Variants in RBPMS observed in about 807,000 individuals in gnomAD.
RBPMS encodes the protein RNA binding protein, mRNA processing factor, also known as RNA-binding protein with multiple splicing.
In RBPMS, 7 loss-of-function variants were observed where a neutral mutation model predicts 26.8. That is an observed-to-expected ratio of 0.26 (90% CI 0.15 to 0.49). The LOEUF is 0.49. Ranked by LOEUF, RBPMS falls within the 20% of genes least tolerant of loss-of-function variation. RBPMS has a pLI of 0.98. For missense variants in RBPMS, 186 were observed against 250.0 expected (o/e 0.74, Z 1.73); for synonymous variants, 96 against 93.3 (o/e 1.03, Z -0.17).
chr8:30,417,826 T>C (rs952774), intron 1 of RBPMS, among the ~76,000 whole-genome samples: 86,180 of 152,062 alleles, frequency 0.57, 25,642 homozygotes, highest in East Asian at 0.78. Flanking sequence ...TTCCAAAATA[T>C]ATTACCCATT....
chr8:30,548,436 TGA>T (rs1308527256), intron 6 of RBPMS, among the ~76,000 whole-genome samples: 1 of 152,192 alleles, frequency 6.6e-6, no homozygotes, highest in Admixed American at 6.5e-5. Context: ...TAAGTAGGAC[TGA>T]GAGAGAAAGT....
At chr8:30,516,893 C>T (rs1272240456) in intron 5 of RBPMS, among the ~76,000 whole-genome samples, 1 of 146,536 alleles carries the variant, frequency 6.8e-6, no homozygotes, top group African/African-American at 2.5e-5. Context: ...AGCTTGACTC[C>T]ATCTCTAAAT....
intron 1 of RBPMS, among the ~76,000 whole-genome samples, chr8:30,418,884 T>C (rs1810401917): frequency 6.6e-6 from 1 of 152,198 alleles, no homozygotes; most frequent in Non-Finnish European, 1.5e-5. Flanking sequence ...CAGGTACTCA[T>C]GCACATGAGT....
At chr8:30,542,708 GTTGT>G (rs1404749435) in intron 5 of RBPMS, among the ~76,000 whole-genome samples, 1 of 152,226 alleles carries the variant, frequency 6.6e-6, no homozygotes, top group Admixed American at 6.5e-5. Context: ...CCTGAGAATG[GTTGT>G]TTGTTTAAAA....
At chr8:30,473,258 T>C (rs1400184511) in intron 1 of RBPMS, among the ~76,000 whole-genome samples, 1 of 152,188 alleles carries the variant, frequency 6.6e-6, no homozygotes, top group East Asian at 1.9e-4. Context: ...AATCCTTTTC[T>C]CTGCCTGTGA....
chr8:30,526,609 G>A (rs775054613), intron 5 of RBPMS, among the ~76,000 whole-genome samples: 1 of 152,152 alleles, frequency 6.6e-6, no homozygotes, highest in Non-Finnish European at 1.5e-5. Flanking sequence ...AATTCTGAAC[G>A]TATGTGGCTA....
At chr8:30,547,243 T>A (rs760806715) in intron 6 of RBPMS, 1 of 1,305,454 alleles carries the variant, frequency 7.7e-7, no homozygotes, top group Non-Finnish European at 1.1e-6. Context: ...TTGTTTTTCT[T>A]AGCAATGTTA....
At chr8:30,514,429 A>G (rs534871603) in intron 5 of RBPMS, among the ~76,000 whole-genome samples, 24 of 152,272 alleles carry the variant, frequency 1.6e-4, no homozygotes, top group Admixed American at 2.0e-4. Flanking sequence ...CTTCACGGAA[A>G]ATGACAGTTT....
chr8:30,434,776 A>AACACAC (rs33991199), intron 1 of RBPMS, among the ~76,000 whole-genome samples: 5,310 of 147,484 alleles, frequency 0.036, 154 homozygotes, highest in African/African-American at 0.063. Flanking sequence ...ATTCCCATAT[A>AACACAC]ACACACACAC....
At chr8:30,435,279 A>C (rs922232309) in intron 1 of RBPMS, among the ~76,000 whole-genome samples, 1 of 152,192 alleles carries the variant, frequency 6.6e-6, no homozygotes, top group Non-Finnish European at 1.5e-5. Flanking sequence ...TCATGTTTAG[A>C]GTTGGATCCC....
At position 30,571,968 on chromosome 8, in the gene RBPMS, T is replaced by C. The variant is rs1462770497; in HGVS notation, c.*1443T>C. ...GTTTTGTTATTTTCCATTAGAAATATAAAGATGTCAAGAAGCTTTTAAAGG... is the reference window on the plus strand; with the variant it reads ...GTTTTGTTATTTTCCATTAGAAATACAAAGATGTCAAGAAGCTTTTAAAGG... On this transcript the variant is annotated 3_prime_UTR_variant, in exon 9 of 9. Transcript: ENST00000397323. 6.6e-6 allele frequency: 1 copy of C among 152,324 alleles called. No homozygotes were observed. Among genetic ancestry groups the C allele is most frequent in the South Asian group, 2.1e-4 (1 of 4,826 alleles). 9.4% of individuals were successfully genotyped at this position (152,324 alleles called of 1,614,324 possible).
intron 5 of RBPMS, among the ~76,000 whole-genome samples, chr8:30,538,411 C>T (rs147071445): frequency 6.0e-4 from 91 of 152,258 alleles, no homozygotes; most frequent in African/African-American, 2.1e-3. Context: ...CCCACCATTA[C>T]ACCTGGCTAA....
chr8:30,461,046 GAA>G (rs35028246), intron 1 of RBPMS, among the ~76,000 whole-genome samples: 59 of 138,346 alleles, frequency 4.3e-4, no homozygotes, highest in East Asian at 1.1e-3. Flanking sequence ...GACCCCATCT[GAA>G]AAAAAAAAAA....
chr8:30,431,483 C>A (rs1459616734), intron 1 of RBPMS, among the ~76,000 whole-genome samples: 1 of 151,688 alleles, frequency 6.6e-6, no homozygotes, highest in African/African-American at 2.4e-5. Context: ...GACGGACTCT[C>A]TCATTCTGTC....
rs532809430 is a variant in RBPMS at position 30,546,622 on chromosome 8, A to G, written c.528+1998A>G. 2.6e-5 allele frequency among the ~76,000 whole-genome samples: 4 copies of G among 152,324 alleles called. No individual in the cohort carries two copies. The South Asian group carries it at 8.3e-4, about 32-fold the overall frequency. The stretch of plus-strand genomic sequence containing the variant: ...TCTTCCTTGATCTTGAGACTTTCCC[A>G]AACTGGAATCCACTTAGCTCTGCCA... On this transcript the variant is annotated intron_variant, in intron 6 of 8. Coordinates refer to ENST00000397323, the MANE Select transcript of RBPMS (RefSeq NM_001008710.3).
At chr8:30,441,594 C>A (rs550370248) in intron 1 of RBPMS, among the ~76,000 whole-genome samples, 1 of 151,608 alleles carries the variant, frequency 6.6e-6, no homozygotes, top group Admixed American at 6.6e-5. Context: ...TAGATCTCTT[C>A]CGCTCTCTCC....
intron 4 of RBPMS, among the ~76,000 whole-genome samples, chr8:30,487,260 T>A (rs1412380704): frequency 6.6e-6 from 1 of 152,214 alleles, no homozygotes; most frequent in African/African-American, 2.4e-5. Flanking sequence ...TAGTGAATGA[T>A]CACATCATCA....
chr8:30,425,736 T>G (rs548830833), intron 1 of RBPMS, among the ~76,000 whole-genome samples: 48 of 152,126 alleles, frequency 3.2e-4, no homozygotes, highest in African/African-American at 1.1e-3. Flanking sequence ...TGGTAAGAGT[T>G]AGTGTACAAT....
intron 2 of RBPMS, among the ~76,000 whole-genome samples, chr8:30,476,610 C>A (rs910845542): frequency 9.2e-5 from 14 of 152,134 alleles, no homozygotes; most frequent in African/African-American, 2.2e-4. Context: ...CCCAGAAACC[C>A]CGACTAGAAA....
Sources: gnomAD v4.1 joint callset for allele counts (sites outside exome capture counted in the v4.1 genomes callset) on GRCh38, gnomAD v4.1.1 for gene constraint, MANE v1.5 for transcripts, NCBI Gene and HGNC (gene_info 2026-07-23, HGNC 2026-07-21) for gene names.